The following ACSL1 variants were observed in gnomAD, a reference collection of about 807,000 sequenced individuals.
The protein encoded by ACSL1 is long-chain-fatty-acid--CoA ligase 1.
A neutral mutation model predicts 98.4 loss-of-function variants in ACSL1; 41 were observed. The ratio of observed to expected loss-of-function variants is 0.42; its 90% CI spans 0.32 to 0.54. ACSL1 has a LOEUF of 0.54. ACSL1 is among the 20% of genes least tolerant of loss of function. ACSL1 has a pLI of 0.13. For synonymous variants in ACSL1, 316 were observed against 322.7 expected, an observed-to-expected ratio of 0.98 and a Z score of 0.22; for missense variants, 734 against 883.1, an observed-to-expected ratio of 0.83 and a Z score of 2.14.
At chr4:184,763,442 A>T (rs887561290) in intron 15 of ACSL1, among the ~76,000 whole-genome samples, 187 bp from the exon 16 acceptor site, 3 of 152,212 alleles carry the variant, frequency 2.0e-5, no homozygotes, top group Non-Finnish European at 4.4e-5. Flanking sequence ...AGGGAAGAAC[A>T]TATTTAGTGT....
chr4:184,796,475 G>A (rs535275976), intron 2 of ACSL1, among the ~76,000 whole-genome samples: 3 of 152,314 alleles, frequency 2.0e-5, no homozygotes, highest in Middle Eastern at 3.4e-3. Context: ...TGAGCACAAC[G>A]TCAGCAAAGT....
chr4:184,773,239 G>A lies in ACSL1; in HGVS notation c.842-85C>T. ...GAAACCTCACATAATTAGGGCTTCA[G>A]ACACCTCTACTGTTAGATATATCGT... On this transcript the variant is annotated intron_variant, in intron 9 of 20. Coordinates refer to ENST00000281455, the MANE Select transcript of ACSL1 (RefSeq NM_001995.5). This position sits in a 1 kb window ranked among gnomAD's most constrained non-coding sequence, Gnocchi z 4.3. The A allele has an allele frequency of 8.2e-7, 1 of 1,225,150 alleles. No individual in the cohort carries two copies. The allele number at this position is 1,225,150 out of a possible 1,614,324, so 75.9% of individuals were successfully genotyped here.
At chr4:184,812,295 G>T in intron 1 of ACSL1, 1 of 905,458 alleles carries the variant, frequency 1.1e-6, no homozygotes, top group Non-Finnish European at 1.3e-6. Context: ...CATCTACTGA[G>T]TCATGAATGA....
rs909835860 is a variant in ACSL1, at chr4:184,765,872, G to A, written c.1359+19C>T. The A allele has an allele frequency of 1.2e-5, 19 of 1,607,624 alleles. No homozygotes were observed. Among genetic ancestry groups the A allele is most frequent in the African/African-American group, 2.7e-5 (2 of 74,790 alleles). Reference sequence around the variant, plus strand: ...GCATCCTAGTGTGGGAGAATCAGGCGCCGTGACATCCACCTCACCTGACAG... The same window carrying A: ...GCATCCTAGTGTGGGAGAATCAGGCACCGTGACATCCACCTCACCTGACAG... On this transcript the variant is annotated intron_variant, in intron 14 of 20. Coordinates refer to ENST00000281455, the MANE Select transcript of ACSL1 (RefSeq NM_001995.5).
chr4:184,786,734 C>T (rs1767433818), intron 3 of ACSL1, among the ~76,000 whole-genome samples: 1 of 148,820 alleles, frequency 6.7e-6, no homozygotes, highest in Admixed American at 6.8e-5. Context: ...CGCTGTGTCA[C>T]CCAGGCTGGA....
chr4:184,793,103 T>C (rs1349317833), intron 2 of ACSL1, among the ~76,000 whole-genome samples: 1 of 151,218 alleles, frequency 6.6e-6, no homozygotes, highest in Non-Finnish European at 1.5e-5. Flanking sequence ...GTGTAGGAAA[T>C]CAGTCATGAG....
Position 184,766,049 on chromosome 4 carries a change from G to A in ACSL1, c.1264-63C>T, listed in dbSNP as rs182757530. 2.3e-4 allele frequency: 353 copies of A among 1,513,798 alleles called. 4 individuals are homozygous for A. The African/African-American group carries it at 3.7e-3, about 16-fold the overall frequency. The allele number at this position is 1,513,798 out of a possible 1,614,324, so 93.8% of individuals were successfully genotyped here. ...ACACCTGGAAGTCGGCGGCCTCTCC[G>A]CCAAGGGGGCCTGCTTGGGACCCCG... is the stretch of plus-strand genomic sequence containing the variant. On this transcript the variant is annotated intron_variant, in intron 13 of 20. Transcript: ENST00000281455. This position sits in a 1 kb window ranked among gnomAD's most constrained non-coding sequence, Gnocchi z 4.8.
intron 18 of ACSL1, among the ~76,000 whole-genome samples, chr4:184,759,258 A>T (rs1323599420): frequency 6.6e-6 from 1 of 152,208 alleles, no homozygotes; most frequent in Admixed American, 6.5e-5. Flanking sequence ...TCTCTTGGGT[A>T]TATACCCAGT....
chr4:184,795,156 C>T (rs930321722), intron 2 of ACSL1, among the ~76,000 whole-genome samples: 2 of 152,246 alleles, frequency 1.3e-5, no homozygotes, highest in African/African-American at 4.8e-5. Context: ...ATCTGCTTCA[C>T]TTCTGCCTAG....
At chr4:184,794,615 T>G (rs151266310) in intron 2 of ACSL1, among the ~76,000 whole-genome samples, 1 of 152,200 alleles carries the variant, frequency 6.6e-6, no homozygotes, top group Non-Finnish European at 1.5e-5. Context: ...AAGCTCAGAC[T>G]TGGGGGGGCT....
chr4:184,783,355 G>C (rs1276941936), intron 4 of ACSL1, among the ~76,000 whole-genome samples: 2 of 152,188 alleles, frequency 1.3e-5, no homozygotes, highest in Non-Finnish European at 2.9e-5. Context: ...CCGAACATCT[G>C]TGTTCCTCCC....
intron 1 of ACSL1, among the ~76,000 whole-genome samples, chr4:184,824,253 G>A (rs1773285482): frequency 6.6e-6 from 1 of 152,106 alleles, no homozygotes. Context: ...AGCCTCTCGA[G>A]TAGCTGGGAC....
intron 1 of ACSL1, among the ~76,000 whole-genome samples, chr4:184,811,466 C>T (rs192565200): frequency 6.6e-5 from 10 of 152,034 alleles, no homozygotes; most frequent in South Asian, 2.1e-4. Flanking sequence ...AACAGATGAA[C>T]GGATCAAAAT....
intron 18 of ACSL1, 140 bp downstream of exon 18, chr4:184,760,217 C>G: frequency 2.1e-6 from 2 of 967,758 alleles, no homozygotes; most frequent in Non-Finnish European, 3.0e-6. Flanking sequence ...AAATCAGTAA[C>G]AGGTCAATGA....
At chr4:184,790,848 T>C (rs949304513) in intron 2 of ACSL1, among the ~76,000 whole-genome samples, 4 of 152,106 alleles carry the variant, frequency 2.6e-5, no homozygotes, top group Admixed American at 6.5e-5. Flanking sequence ...CTCCAACAAA[T>C]AGCCTGAAAT....
intron 11 of ACSL1, 54 bp downstream of exon 11, chr4:184,770,345 A>G: frequency 1.2e-6 from 2 of 1,602,248 alleles, no homozygotes; most frequent in Admixed American, 1.7e-5. Context: ...GTAAAACACA[A>G]CAACTTAGCA....
At chr4:184,763,339 C>T in intron 15 of ACSL1, 84 bp from the exon 16 acceptor site, 1 of 1,277,344 alleles carries the variant, frequency 7.8e-7, no homozygotes, top group Non-Finnish European at 1.1e-6. Flanking sequence ...AAACAGGATT[C>T]CACATAAGAA....
chr4:184,811,370 C>G (rs183782117), intron 1 of ACSL1, among the ~76,000 whole-genome samples: 1 of 152,054 alleles, frequency 6.6e-6, no homozygotes, highest in Non-Finnish European at 1.5e-5. Flanking sequence ...CCTTGGCCTC[C>G]CAAAGTGCTG....
intron 2 of ACSL1, among the ~76,000 whole-genome samples, chr4:184,798,081 T>C (rs1769768924): frequency 6.6e-6 from 1 of 152,170 alleles, no homozygotes; most frequent in Admixed American, 6.5e-5. Context: ...TGGTGTGGAA[T>C]TTAGTCATCC....
Sources: allele counts gnomAD v4.1 joint callset (sites outside exome capture counted in the v4.1 genomes callset), GRCh38; gene constraint gnomAD v4.1.1; non-coding constraint Gnocchi (gnomAD v3.1); transcripts MANE v1.5; gene names NCBI Gene and HGNC (gene_info 2026-07-23, HGNC 2026-07-21).